PPP1R9A: variants seen among roughly 807,000 people sequenced by gnomAD.
The protein encoded by PPP1R9A is protein phosphatase 1 regulatory subunit 9A.
In PPP1R9A, 59 loss-of-function variants were observed where a neutral mutation model predicts 141.9. That is an observed-to-expected ratio of 0.42 (90% CI 0.34 to 0.52). The LOEUF is 0.52. Among genes scored for constraint, PPP1R9A ranks in the 20% least tolerant of loss-of-function variants. PPP1R9A has a pLI of 0.10. For synonymous variants in PPP1R9A, 500 were observed against 569.7 expected (o/e 0.88, Z 1.74); for missense variants, 1,444 against 1,611.9 (o/e 0.90, Z 1.78).
intron 2 of PPP1R9A, among the ~76,000 whole-genome samples, chr7:95,065,117 G>A (rs867474987): frequency 1.7e-4 from 26 of 152,138 alleles, no homozygotes; most frequent in Middle Eastern, 3.4e-3. Context: ...TGAGGCTAGA[G>A]TGCAGTGGCA....
chr7:95,001,998 A>G (rs1802999178), intron 2 of PPP1R9A, among the ~76,000 whole-genome samples: 1 of 152,176 alleles, frequency 6.6e-6, no homozygotes, highest in African/African-American at 2.4e-5. Context: ...GCTTTTTAGA[A>G]ACCAGAATTT....
intron 2 of PPP1R9A, among the ~76,000 whole-genome samples, chr7:94,960,776 ATC>A (rs1475869522): frequency 1.3e-5 from 2 of 151,598 alleles, no homozygotes; most frequent in African/African-American, 2.4e-5. Context: ...TTAAATCCAG[ATC>A]TCTTTTTTTT....
chr7:94,977,238 T>C (rs1376241625), intron 2 of PPP1R9A, among the ~76,000 whole-genome samples: 5 of 152,080 alleles, frequency 3.3e-5, no homozygotes. Context: ...ATTTGGCAGT[T>C]GTCACTAGAG....
intron 4 of PPP1R9A, chr7:95,156,949 G>C (rs1233116838): frequency 1.3e-5 from 2 of 152,274 alleles, no homozygotes; most frequent in Admixed American, 6.5e-5. Flanking sequence ...GGCTTTTATA[G>C]GCCTATTAGA....
chr7:95,250,206 G>A lies in PPP1R9A; in HGVS notation c.2347G>A (p.Glu783Lys). The A allele has an allele frequency of 6.2e-7, 1 of 1,613,258 alleles. No individual in the cohort carries two copies. The change falls in exon 10 of 20, where the codon GAA becomes AAA. Residue 783 changes from glutamate to lysine, a missense_variant. Transcript: ENST00000433360. Reference sequence around the variant, plus strand: ...GACTCAAAGCCAGTATCAGGCCTTGGAAAAGAAATACAACAAGGCAAAGAA... The same window carrying A: ...GACTCAAAGCCAGTATCAGGCCTTGAAAAAGAAATACAACAAGGCAAAGAA... Reference protein sequence around the residue: ...KETQSQYQALEKKYNKAKKLI... With the variant: ...KETQSQYQALKKKYNKAKKLI...
intron 3 of PPP1R9A, among the ~76,000 whole-genome samples, chr7:95,114,294 G>A (rs1307764568): frequency 6.6e-6 from 1 of 152,050 alleles, no homozygotes; most frequent in Non-Finnish European, 1.5e-5. Context: ...TAATATAATT[G>A]CATTTACTTA....
intron 18 of PPP1R9A, chr7:95,287,043 A>G: frequency 6.7e-7 from 1 of 1,491,874 alleles, no homozygotes; most frequent in South Asian, 1.1e-5. Flanking sequence ...ATTATGTACT[A>G]TATATGTTGT....
chr7:95,224,481 T>G (rs905850478), intron 7 of PPP1R9A, among the ~76,000 whole-genome samples: 1 of 152,126 alleles, frequency 6.6e-6, no homozygotes, highest in African/African-American at 2.4e-5. Context: ...AATTCCTTAC[T>G]AGAAACTGTG....
At chr7:94,981,555 A>C (rs749442175) in intron 2 of PPP1R9A, among the ~76,000 whole-genome samples, 10 of 152,146 alleles carry the variant, frequency 6.6e-5, no homozygotes, top group Non-Finnish European at 1.2e-4. Context: ...TTTTAAAAAA[A>C]ACTTATTATT....
At position 95,293,467 on chromosome 7, in the gene PPP1R9A, A is replaced by G. The variant is rs1400281496; in HGVS notation, c.*3164A>G. 6.6e-6 allele frequency: 1 copy of G among 152,168 alleles called. No individual in the cohort carries two copies. Among genetic ancestry groups the G allele is most frequent in the Non-Finnish European group, 1.5e-5 (1 of 68,040 alleles). 9.4% of individuals were successfully genotyped at this position (152,168 alleles called of 1,614,324 possible). A position where few individuals can be genotyped will look rare whatever the true frequency, so the allele number is the denominator to read the frequency against. On this transcript the variant is annotated 3_prime_UTR_variant, in exon 20 of 20. Transcript: ENST00000433360. ...CAATTGATTTCACACCCTCAACATC[A>G]CAAGCTTTTTTTAACCCACAGCAGT...
At position 94,910,022 on chromosome 7, in the gene PPP1R9A, C is replaced by G; in HGVS notation, c.-92C>G. 1 of 1,133,514 alleles carries G rather than the reference C, an allele frequency of 8.8e-7. No homozygotes were observed. The highest frequency in any genetic ancestry group is 1.3e-6 in the Non-Finnish European group (1 of 791,520). The allele number at this position is 1,133,514 out of a possible 1,614,324, so 70.2% of individuals were successfully genotyped here. ...CCATTTGAGAGGTACTTTTCTTGAC[C>G]CAATACTGGTGATTAGAGAAGAGAG... On this transcript the variant is annotated 5_prime_UTR_variant, in exon 2 of 20. Coordinates refer to ENST00000433360, the MANE Select transcript of PPP1R9A (RefSeq NM_001166160.2). This position sits in a 1 kb window ranked among gnomAD's most constrained non-coding sequence, Gnocchi z 4.5.
chr7:95,152,255 A>G (rs1828836562), intron 4 of PPP1R9A, among the ~76,000 whole-genome samples: 1 of 152,034 alleles, frequency 6.6e-6, no homozygotes, highest in Non-Finnish European at 1.5e-5. Flanking sequence ...TGGCCTGAAA[A>G]TCATTCTGAT....
intron 2 of PPP1R9A, among the ~76,000 whole-genome samples, chr7:95,041,693 T>A (rs1348985897): frequency 6.6e-6 from 1 of 152,122 alleles, no homozygotes; most frequent in African/African-American, 2.4e-5. Context: ...GAAATAGGAA[T>A]AATTGAATAT....
chr7:95,218,404 G>A (rs1437508721), intron 7 of PPP1R9A, among the ~76,000 whole-genome samples: 1 of 152,122 alleles, frequency 6.6e-6, no homozygotes, highest in Non-Finnish European at 1.5e-5. Context: ...GGTCAATTTT[G>A]GAATAAGTGC....
At chr7:95,110,238 A>G (rs368435896) in intron 2 of PPP1R9A, among the ~76,000 whole-genome samples, 8 of 152,196 alleles carry the variant, frequency 5.3e-5, no homozygotes, top group South Asian at 4.1e-4. Flanking sequence ...TGTCCATAGA[A>G]CAGCAGGGCC....
intron 2 of PPP1R9A, among the ~76,000 whole-genome samples, chr7:95,058,217 A>G (rs1811753634): frequency 6.6e-6 from 1 of 152,236 alleles, no homozygotes; most frequent in African/African-American, 2.4e-5. Context: ...TAAGTAAAAA[A>G]TAATGGCTTA....
intron 2 of PPP1R9A, among the ~76,000 whole-genome samples, chr7:95,031,755 T>A (rs548381300): frequency 1.0e-4 from 15 of 150,738 alleles, no homozygotes; most frequent in African/African-American, 3.7e-4. Flanking sequence ...GATTTGGTGA[T>A]TCAGTTTCAA....
At chr7:94,961,264 T>A (rs926555255) in intron 2 of PPP1R9A, among the ~76,000 whole-genome samples, 5 of 151,714 alleles carry the variant, frequency 3.3e-5, no homozygotes, top group African/African-American at 1.2e-4. Context: ...AGGGGTGGTT[T>A]ATTTTTTCAG....
chr7:95,021,286 C>A (rs548869993), intron 2 of PPP1R9A, among the ~76,000 whole-genome samples: 2 of 148,452 alleles, frequency 1.3e-5, no homozygotes, highest in African/African-American at 2.5e-5. Context: ...GAAAAGTGTT[C>A]ATATTCTTTG....
Sources: gnomAD v4.1 joint callset for allele counts (sites outside exome capture counted in the v4.1 genomes callset) on GRCh38, gnomAD v4.1.1 for gene constraint, Gnocchi (gnomAD v3.1) non-coding constraint, MANE v1.5 for transcripts, NCBI Gene and HGNC (gene_info 2026-07-23, HGNC 2026-07-21) for gene names.